Variants in KLF13 observed in about 807,000 individuals in gnomAD.
KLF13 encodes KLF transcription factor 13.
Under a neutral mutation model 16.7 loss-of-function variants are expected in KLF13, and 8 were observed. That is an observed-to-expected ratio of 0.48 (90% CI 0.28 to 0.87). The LOEUF (loss-of-function observed/expected upper bound fraction) is 0.87, where lower values mean the gene tolerates loss of function less well. KLF13 is among the 40% of genes least tolerant of loss of function. The pLI, the probability that KLF13 is intolerant of heterozygous loss-of-function variation, is 0.10. For missense variants in KLF13, 447 were observed against 452.2 expected, an observed-to-expected ratio of 0.99 and a Z score of 0.10; for synonymous variants, 245 against 208.4, an observed-to-expected ratio of 1.18 and a Z score of -1.51.
At chr15:31,397,877 G>C (rs908832222) in intron 2 of KLF13, among the ~76,000 whole-genome samples, 1 of 149,614 alleles carries the variant, frequency 6.7e-6, no homozygotes, top group Non-Finnish European at 1.5e-5. Flanking sequence ...GTGGCGGCGG[G>C]GGGGGTGGTG....
chr15:31,337,644 C>T (rs984177730), intron 1 of KLF13, among the ~76,000 whole-genome samples: 7 of 152,204 alleles, frequency 4.6e-5, no homozygotes, highest in African/African-American at 9.7e-5. Context: ...GGCTGCAAGC[C>T]GGTACAGTAT....
rs149346729 is a variant in KLF13 at position 31,423,176 on chromosome 15, C to CGTATATAT, written n.118-12194_118-12193insGTATATAT. Among the ~76,000 whole-genome samples, 11 of 17,006 alleles carry CGTATATAT rather than the reference C, an allele frequency of 6.5e-4. 2 individuals carry two copies. The highest frequency in any genetic ancestry group is 4.6e-3 in the African/African-American group (9 of 1,952). 11.2% of individuals were successfully genotyped at this position (17,006 alleles called of 152,430 possible). ...ATACGTATATATATGTATATATATACATATATACGTATATATATATATCAG... is the reference window on the plus strand; with the variant it reads ...ATACGTATATATATGTATATATATACGTATATATATATATACGTATATATATATATCAG... On this transcript the variant is annotated intron_variant and non_coding_transcript_variant, in intron 1 of 1. Transcript: ENST00000558225.
chr15:31,327,297 G>T lies in KLF13; in HGVS notation c.85G>T (p.Glu29Ter). ...CCGCGCGGTCGTGCACGGGCCGCGG[G>T]AGGGGCCGGAGTCCCGGCCCGAGGG... ...SSRAVVHGPREGPESRPEGAA... is the reference protein window; with the variant it reads ...SSRAVVHGPR The change falls in exon 1 of 2, where the codon GAG becomes TAG. Residue 29 changes from glutamate to a stop codon, truncating the protein, a stop_gained. Coordinates refer to ENST00000307145, the MANE Select transcript of KLF13 (RefSeq NM_015995.4). LOFTEE classifies it high-confidence loss of function. 7.7e-7 allele frequency: 1 copy of T among 1,306,058 alleles called. No individual in the cohort carries two copies. The allele number at this position is 1,306,058 out of a possible 1,614,324, so 80.9% of individuals were successfully genotyped here. A position where few individuals can be genotyped will look rare whatever the true frequency, so the allele number is the denominator to read the frequency against.
At chr15:31,383,151 A>G (rs2039748622) in intron 1 of KLF13, among the ~76,000 whole-genome samples, 1 of 152,158 alleles carries the variant, frequency 6.6e-6, no homozygotes, top group Admixed American at 6.5e-5. Flanking sequence ...GAAAGTGGTT[A>G]TTGCATGCTT....
chr15:31,418,151 CTT>C (rs141203515), intron 1 of KLF13, among the ~76,000 whole-genome samples: 4,861 of 152,184 alleles, frequency 0.032, 248 homozygotes, highest in African/African-American at 0.11. Context: ...AAAATTTACA[CTT>C]AATTACATAA....
chr15:31,399,627 ACCTGCACTAAC>A (rs1381457039), intron 2 of KLF13, among the ~76,000 whole-genome samples: 2 of 152,130 alleles, frequency 1.3e-5, no homozygotes, highest in Non-Finnish European at 2.9e-5. Context: ...GGGTGCTGAA[ACCTGCACTAAC>A]CTCCGCCTCG....
chr15:31,389,849 T>C (rs2039837519), upstream of KLF13, among the ~76,000 whole-genome samples: 1 of 152,106 alleles, frequency 6.6e-6, no homozygotes. Flanking sequence ...GCACATTTCT[T>C]TCTCTATGGG....
intron 1 of KLF13, among the ~76,000 whole-genome samples, chr15:31,355,925 C>T (rs1018601756): frequency 6.6e-6 from 1 of 152,062 alleles, no homozygotes; most frequent in South Asian, 2.1e-4. Flanking sequence ...GGGACCCCTC[C>T]CCTACCATCC....
intron 1 of KLF13, among the ~76,000 whole-genome samples, chr15:31,417,274 C>T (rs1166424637): frequency 3.3e-5 from 5 of 152,042 alleles, no homozygotes; most frequent in Non-Finnish European, 7.4e-5. Flanking sequence ...ATGGGAGGAT[C>T]ACTTGAGGTC....
At chr15:31,368,915 C>A (rs1022179487) in intron 1 of KLF13, among the ~76,000 whole-genome samples, 1 of 152,048 alleles carries the variant, frequency 6.6e-6, no homozygotes, top group Non-Finnish European at 1.5e-5. Flanking sequence ...CAGTCCAGCC[C>A]CACTCCCTAG....
intron 1 of KLF13, among the ~76,000 whole-genome samples, chr15:31,328,332 C>T (rs1054637721): frequency 2.6e-5 from 4 of 151,920 alleles, no homozygotes; most frequent in East Asian, 1.9e-4. Flanking sequence ...ATTCTTCGCT[C>T]TCTTCTTCCT....
chr15:31,371,916 A>G, intron 1 of KLF13, 94 bp from the exon 2 acceptor site: 1 of 1,368,938 alleles, frequency 7.3e-7, no homozygotes, highest in Non-Finnish European at 9.9e-7. Context: ...GGGTGTTGAG[A>G]GACCAGGGTG....
At chr15:31,408,530 A>T (rs2040155501), downstream of KLF13, among the ~76,000 whole-genome samples, 1 of 152,250 alleles carries the variant, frequency 6.6e-6, no homozygotes, top group Admixed American at 6.5e-5. Context: ...AATGAGAATA[A>T]CCATTGCAAT....
At position 31,327,273 on chromosome 15, in the gene KLF13, C is replaced by A; in HGVS notation, c.61C>A (p.Arg21Ser). ...AAECLVSMSS[R>S]AVVHGPREGP... The stretch of plus-strand genomic sequence containing the variant: ...CGAGTGCCTCGTGTCCATGTCGAGC[C>A]GCGCGGTCGTGCACGGGCCGCGGGA... Residue 21 changes from arginine to serine, a missense_variant, in exon 1 of 2, where the codon CGC becomes AGC. Around this residue, in one of 2 missense-constraint regions of KLF13, gnomAD observed 359 missense variants for 282.8 expected, o/e 1.27. Transcript: ENST00000307145. 1 of 1,369,986 alleles carries A rather than the reference C, an allele frequency of 7.3e-7. No individual in the cohort carries two copies. Among genetic ancestry groups the A allele is most frequent in the Non-Finnish European group, 9.4e-7 (1 of 1,060,352 alleles). 84.9% of individuals were successfully genotyped at this position (1,369,986 alleles called of 1,614,324 possible). A position where few individuals can be genotyped will look rare whatever the true frequency, so the allele number is the denominator to read the frequency against.
At chr15:31,334,919 G>T (rs547801038) in intron 1 of KLF13, among the ~76,000 whole-genome samples, 1 of 150,840 alleles carries the variant, frequency 6.6e-6, no homozygotes, top group Non-Finnish European at 1.5e-5. Flanking sequence ...AGAAGGCTTT[G>T]GACACTCTTC....
upstream of KLF13, among the ~76,000 whole-genome samples, chr15:31,391,598 A>ACCCCGC (rs1019075306): frequency 1.2e-3 from 179 of 149,702 alleles, no homozygotes; most frequent in African/African-American, 4.1e-3. Flanking sequence ...ATTGCCCCCC[A>ACCCCGC]CCCCGCCCCC....
Position 31,397,880 on chromosome 15 carries a change from G to GC in KLF13, n.529+4189_529+4190insC, listed in dbSNP as rs1555380283. 5.7e-3 allele frequency among the ~76,000 whole-genome samples: 834 copies of GC among 146,466 alleles called. 9 individuals carry two copies. Among genetic ancestry groups the GC allele is most frequent in the Middle Eastern group, 0.041 (12 of 292 alleles). On this transcript the variant is annotated intron_variant and non_coding_transcript_variant, in intron 2 of 2. Transcript: ENST00000500533. ...TGGTCTTTGGGGGTGGCGGCGGGGGGGGTGGTGATCCACTCTCCCTGGGGA... is the reference window on the plus strand; with the variant it reads ...TGGTCTTTGGGGGTGGCGGCGGGGGGCGGTGGTGATCCACTCTCCCTGGGGA...
At chr15:31,393,966 G>C (rs1566833855) in intron 2 of KLF13, among the ~76,000 whole-genome samples, 1 of 152,146 alleles carries the variant, frequency 6.6e-6, no homozygotes, top group Non-Finnish European at 1.5e-5. Flanking sequence ...TGCATCTCAG[G>C]GGGCTCCCAC....
chr15:31,398,363 G>C (rs1412630243), intron 2 of KLF13, among the ~76,000 whole-genome samples: 1 of 152,196 alleles, frequency 6.6e-6, no homozygotes, highest in African/African-American at 2.4e-5. Flanking sequence ...GTATGGGGGT[G>C]GCAGCAGAAG....
Sources: allele counts gnomAD v4.1 joint callset (sites outside exome capture counted in the v4.1 genomes callset), GRCh38; gene constraint gnomAD v4.1.1; regional missense constraint gnomAD v4.1.1; transcripts MANE v1.5; gene names NCBI Gene and HGNC (gene_info 2026-07-23, HGNC 2026-07-21).